CCDC25: variants seen among roughly 807,000 people sequenced by gnomAD.
CCDC25 encodes coiled-coil domain-containing protein 25.
In CCDC25, 16 loss-of-function variants were observed where a neutral mutation model predicts 35.3. The ratio of observed to expected loss-of-function variants is 0.45; its 90% CI spans 0.31 to 0.69. The LOEUF (loss-of-function observed/expected upper bound fraction) is 0.69. Among genes scored for constraint, CCDC25 ranks in the 30% least tolerant of loss-of-function variants. The probability of loss-of-function intolerance (pLI) is 0.06; values close to 1 mark genes in which losing one functional copy is unlikely to be tolerated. For synonymous variants in CCDC25, 79 were observed against 80.3 expected (o/e 0.98, Z 0.09); for missense variants, 179 against 250.7 (o/e 0.71, Z 1.93).
intron 5 of CCDC25, among the ~76,000 whole-genome samples, chr8:27,751,572 C>T (rs556816184): frequency 1.4e-4 from 21 of 152,252 alleles, no homozygotes; most frequent in Non-Finnish European, 2.9e-4. Flanking sequence ...GTGGGTCCGC[C>T]CCATGTTTAT....
At chr8:27,755,916 G>A (rs975327908) in intron 4 of CCDC25, among the ~76,000 whole-genome samples, 8 of 152,206 alleles carry the variant, frequency 5.3e-5, no homozygotes, top group Non-Finnish European at 1.0e-4. Flanking sequence ...ACAACTAAAT[G>A]TAATATGGTA....
chr8:27,734,038 T>C lies in CCDC25; in HGVS notation c.*2178A>G, dbSNP rs1265771992. The C allele has an allele frequency of 6.6e-6, 1 of 152,122 alleles. No homozygotes were observed. Among genetic ancestry groups the C allele is most frequent in the Non-Finnish European group, 1.5e-5 (1 of 68,018 alleles). 9.4% of individuals were successfully genotyped at this position (152,122 alleles called of 1,614,324 possible). A position where few individuals can be genotyped will look rare whatever the true frequency, so the allele number is the denominator to read the frequency against. Reference sequence around the variant, plus strand: ...TGCTTCAAGAACGAGTTAAAGACAATACAATAAAACACATAGACACTGAAG... The same window carrying C: ...TGCTTCAAGAACGAGTTAAAGACAACACAATAAAACACATAGACACTGAAG... On this transcript the variant is annotated 3_prime_UTR_variant, in exon 9 of 9. Transcript: ENST00000356537.
At chr8:27,741,699 C>T (rs140498531) in intron 7 of CCDC25, among the ~76,000 whole-genome samples, 39 of 152,236 alleles carry the variant, frequency 2.6e-4, no homozygotes, top group African/African-American at 7.7e-4. Context: ...ACAACAAATA[C>T]ACCAAGAGAC....
In CCDC25 at chr8:27,756,734, G is replaced by C. The variant is rs202223241; in HGVS notation, c.153C>G (p.Tyr51Ter). Residue 51 changes from tyrosine to a stop codon, truncating the protein, a stop_gained, in exon 4 of 9, where the codon TAC (tyrosine) becomes TAG (stop). Coordinates refer to ENST00000356537, the MANE Select transcript of CCDC25 (RefSeq NM_018246.3). LOFTEE classifies it high-confidence loss of function. Reference sequence around the variant, plus strand: ...ATTCAGTTACCTTATGTAATCGAAGGTATACATGAGCCGAAGAGAGTTTGT... The same window carrying C: ...ATTCAGTTACCTTATGTAATCGAAGCTATACATGAGCCGAAGAGAGTTTGT... ...HVDKLSSAHV[Y>*]LRLHKGENIE... is the part of the protein sequence containing the mutation. The C allele has an allele frequency of 6.2e-7, 1 of 1,611,916 alleles. No individual in the cohort carries two copies. Among genetic ancestry groups the C allele is most frequent in the African/African-American group, 1.3e-5 (1 of 74,964 alleles).
chr8:27,764,570 T>G (rs1804335894), intron 2 of CCDC25: 1 of 247,684 alleles, frequency 4.0e-6, no homozygotes, highest in Non-Finnish European at 8.3e-6. Flanking sequence ...TGAACCACCA[T>G]GCCTGGCCTC....
intron 3 of CCDC25, among the ~76,000 whole-genome samples, chr8:27,757,961 C>G (rs767961266): frequency 1.3e-5 from 2 of 152,138 alleles, no homozygotes; most frequent in Non-Finnish European, 2.9e-5. Context: ...TAAGCCGCCT[C>G]GCTTCCCCTT....
At chr8:27,768,425 C>T (rs999829103) in intron 1 of CCDC25, among the ~76,000 whole-genome samples, 8 of 151,734 alleles carry the variant, frequency 5.3e-5, no homozygotes, top group Non-Finnish European at 7.4e-5. Context: ...ATTAGTCAGC[C>T]GTAGTAGCAC....
intron 7 of CCDC25, 159 bp downstream of exon 7, chr8:27,747,918 A>C (rs1803657549): frequency 4.6e-6 from 3 of 650,336 alleles, no homozygotes; most frequent in African/African-American, 3.7e-5. Flanking sequence ...CATTAATATA[A>C]ATGCCTTTTT....
At chr8:27,741,581 G>A (rs1366162480) in intron 7 of CCDC25, among the ~76,000 whole-genome samples, 1 of 152,198 alleles carries the variant, frequency 6.6e-6, no homozygotes, top group Non-Finnish European at 1.5e-5. Context: ...AGGAGGCTGA[G>A]GCAGGAGAAT....
chr8:27,751,399 A>G (rs2128940365), intron 5 of CCDC25, among the ~76,000 whole-genome samples: 1 of 152,368 alleles, frequency 6.6e-6, no homozygotes, highest in Non-Finnish European at 1.5e-5. Flanking sequence ...TATAGAGTTG[A>G]AAATCAGTGG....
rs112519209 is a variant in CCDC25 at position 27,736,096 on chromosome 8, G to A, written c.*120C>T. ...TAAAACTTGAAAATCAATAATTTCT[G>A]GGTAGGATGAAGGTAGAATTTTGGT... On this transcript the variant is annotated 3_prime_UTR_variant, in exon 9 of 9. Transcript: ENST00000356537. 1.5e-5 allele frequency: 13 copies of A among 876,234 alleles called. 1 individual carries two copies. The African/African-American group carries it at 1.6e-4, about 10-fold the overall frequency. The allele number at this position is 876,234 out of a possible 1,614,324, so 54.3% of individuals were successfully genotyped here.
At chr8:27,765,454 AAAG>A (rs1196565569) in intron 1 of CCDC25, among the ~76,000 whole-genome samples, 2 of 152,158 alleles carry the variant, frequency 1.3e-5, no homozygotes, top group Non-Finnish European at 2.9e-5. Flanking sequence ...AAAGCAAAAC[AAAG>A]AAGAATAAGC....
intron 3 of CCDC25, 92 bp from the exon 4 acceptor site, chr8:27,756,862 C>G (rs979382538): frequency 5.3e-5 from 47 of 883,528 alleles, no homozygotes; most frequent in East Asian, 2.4e-5. Flanking sequence ...TCTAAAAAGT[C>G]TTCACTCCAT....
intron 1 of CCDC25, among the ~76,000 whole-genome samples, chr8:27,768,329 C>T (rs1052749539): frequency 6.6e-6 from 1 of 152,100 alleles, no homozygotes; most frequent in African/African-American, 2.4e-5. Context: ...CTTTGGGAGG[C>T]TGAAGCGGGA....
intron 2 of CCDC25, among the ~76,000 whole-genome samples, chr8:27,763,935 T>C (rs1804313493): frequency 6.6e-6 from 1 of 152,094 alleles, no homozygotes; most frequent in African/African-American, 2.4e-5. Context: ...ACTGAGCAAA[T>C]AGCCAAAAGG....
chr8:27,733,671 C>T lies in CCDC25; in HGVS notation c.*2545G>A, dbSNP rs1803112744. ...TCAAAATCAAAAGGTCACTCAGTCA[C>T]TCTAATATGATCATTTTGAATATGG... is the stretch of plus-strand genomic sequence containing the variant. On this transcript the variant is annotated 3_prime_UTR_variant, in exon 9 of 9. Transcript: ENST00000356537. The T allele has an allele frequency of 6.6e-6, 1 of 152,206 alleles. No individual in the cohort carries two copies. The highest frequency in any genetic ancestry group is 2.4e-5 in the African/African-American group (1 of 41,442). 9.4% of individuals were successfully genotyped at this position (152,206 alleles called of 1,614,324 possible).
chr8:27,769,843 C>T (rs1437584379), intron 1 of CCDC25, among the ~76,000 whole-genome samples: 1 of 152,196 alleles, frequency 6.6e-6, no homozygotes, highest in Non-Finnish European at 1.5e-5. Flanking sequence ...ACTAGTTTCA[C>T]TTAAATCTTA....
At position 27,734,777 on chromosome 8, in the gene CCDC25, G is replaced by A. The variant is rs978747219; in HGVS notation, c.*1439C>T. On this transcript the variant is annotated 3_prime_UTR_variant, in exon 9 of 9. Coordinates refer to ENST00000356537, the MANE Select transcript of CCDC25 (RefSeq NM_018246.3). ...GGTACAGAGGAATTCTGTAGAAGCC[G>A]GACTCCTTGGAAGTATGGAAGGAGC... 35 of 152,252 alleles carry A rather than the reference G, an allele frequency of 2.3e-4. No homozygotes were observed. Among genetic ancestry groups the A allele is most frequent in the African/African-American group, 7.0e-4 (29 of 41,540 alleles). 9.4% of individuals were successfully genotyped at this position (152,252 alleles called of 1,614,324 possible).
At chr8:27,748,383 T>C in intron 6 of CCDC25, 104 bp from the exon 7 acceptor site, 1 of 1,318,802 alleles carries the variant, frequency 7.6e-7, no homozygotes, top group Non-Finnish European at 1.1e-6. Flanking sequence ...TAATTCCCTT[T>C]AGAAAACATA....
Sources: allele counts gnomAD v4.1 joint callset (sites outside exome capture counted in the v4.1 genomes callset), GRCh38; gene constraint gnomAD v4.1.1; transcripts MANE v1.5; gene names NCBI Gene and HGNC (gene_info 2026-07-23, HGNC 2026-07-21).